CFAP53: variants seen among roughly 807,000 people sequenced by gnomAD.
CFAP53 encodes cilia- and flagella-associated protein 53.
CFAP53 carries 62 observed loss-of-function variants against 59.7 expected under a neutral mutation model. The observed-to-expected ratio is 1.04, with a 90% CI of 0.85 to 1.28. The LOEUF is 1.28. CFAP53 is among the 50% of genes most tolerant of loss of function. The pLI, the probability that CFAP53 is intolerant of heterozygous loss-of-function variation, is 0.00. For synonymous variants in CFAP53, 218 were observed against 205.7 expected (o/e 1.06, Z -0.51); for missense variants, 629 against 615.6 (o/e 1.02, Z -0.23).
intron 5 of CFAP53, among the ~76,000 whole-genome samples, chr18:50,247,995 C>A (rs933815052): frequency 6.6e-6 from 1 of 151,898 alleles, no homozygotes. Flanking sequence ...AAAAACTCAA[C>A]AGGAAAAAGA....
At chr18:50,254,137 A>T (rs1443621) in intron 3 of CFAP53, among the ~76,000 whole-genome samples, 526 of 29,510 alleles carry the variant, frequency 0.018, 4 homozygotes, top group African/African-American at 0.035. Context: ...AAAACCATTT[A>T]AAAAAAAAAG....
intron 6 of CFAP53, 76 bp from the exon 7 acceptor site, chr18:50,238,781 T>A (rs2033661279): frequency 9.7e-7 from 1 of 1,032,984 alleles, no homozygotes; most frequent in Non-Finnish European, 1.5e-6. Flanking sequence ...GGCACCAGAG[T>A]CATATTGTCT....
At chr18:50,235,081 A>G (rs1391921481) in intron 7 of CFAP53, among the ~76,000 whole-genome samples, 1 of 152,236 alleles carries the variant, frequency 6.6e-6, no homozygotes, top group Non-Finnish European at 1.5e-5. Context: ...ATGCTGTTAA[A>G]TGAAACTTGT....
At chr18:50,249,435 T>C (rs2033777131) in intron 5 of CFAP53, among the ~76,000 whole-genome samples, 2 of 151,600 alleles carry the variant, frequency 1.3e-5, no homozygotes, top group South Asian at 4.2e-4. Context: ...GAAGTATCAG[T>C]TGAGCCTGGG....
At chr18:50,229,204 ACTT>A (rs768663715) in intron 7 of CFAP53, among the ~76,000 whole-genome samples, 1 of 152,168 alleles carries the variant, frequency 6.6e-6, no homozygotes, top group Non-Finnish European at 1.5e-5. Flanking sequence ...GATCTCCAGG[ACTT>A]CTTCATCTTG....
At chr18:50,244,081 A>G (rs957723678) in intron 5 of CFAP53, among the ~76,000 whole-genome samples, 1 of 152,128 alleles carries the variant, frequency 6.6e-6, no homozygotes, top group African/African-American at 2.4e-5. Flanking sequence ...CCTGCTGTTT[A>G]TTTAGCGCAG....
intron 7 of CFAP53, among the ~76,000 whole-genome samples, chr18:50,236,080 A>G (rs1024079520): frequency 6.6e-6 from 1 of 152,224 alleles, no homozygotes; most frequent in African/African-American, 2.4e-5. Flanking sequence ...TGCAGATAAC[A>G]TACAAAACTC....
chr18:50,245,046 G>A (rs2033729595), intron 5 of CFAP53, among the ~76,000 whole-genome samples: 1 of 110,214 alleles, frequency 9.1e-6, no homozygotes, highest in African/African-American at 3.6e-5. Flanking sequence ...CTGGGTGACA[G>A]AATGAGACTC....
intron 7 of CFAP53, among the ~76,000 whole-genome samples, chr18:50,237,082 G>A (rs2033640995): frequency 6.6e-6 from 1 of 151,048 alleles, no homozygotes; most frequent in Non-Finnish European, 1.5e-5. Flanking sequence ...CGAGGTGGGT[G>A]GATCACGAGG....
chr18:50,246,588 A>G (rs181485074), intron 5 of CFAP53, among the ~76,000 whole-genome samples: 8 of 152,376 alleles, frequency 5.3e-5, no homozygotes, highest in African/African-American at 1.4e-4. Context: ...TAGGACCCCT[A>G]AAGCATAAGC....
At chr18:50,234,426 T>C (rs6507973) in intron 7 of CFAP53, among the ~76,000 whole-genome samples, 148,369 of 152,196 alleles carry the variant, frequency 0.97, 72,420 homozygotes, top group East Asian at 1. Context: ...AAAACTTTCC[T>C]CCCTTATGCA....
At chr18:50,247,259 C>T (rs758421822) in intron 5 of CFAP53, among the ~76,000 whole-genome samples, 1 of 151,942 alleles carries the variant, frequency 6.6e-6, no homozygotes, top group Non-Finnish European at 1.5e-5. Context: ...AATGAGATAC[C>T]AATTCAGATG....
At chr18:50,245,513 T>C (rs2033736148) in intron 5 of CFAP53, among the ~76,000 whole-genome samples, 1 of 152,230 alleles carries the variant, frequency 6.6e-6, no homozygotes. Context: ...AAAAATTTTA[T>C]TTCCAAATAG....
intron 6 of CFAP53, among the ~76,000 whole-genome samples, chr18:50,239,757 G>A (rs1192516278): frequency 4.6e-5 from 7 of 152,042 alleles, no homozygotes; most frequent in Admixed American, 3.3e-4. Context: ...CCATAAAACA[G>A]TATATACTAC....
rs1026475292 is a variant in CFAP53, at chr18:50,265,571, C to G, written c.69+765G>C. Among the ~76,000 whole-genome samples the G allele has an allele frequency of 2.0e-5, 3 of 152,302 alleles. No homozygotes were observed. In the East Asian group the frequency reaches 5.8e-4, roughly 29 times the overall value. ...ACCTTCCAGGATCATTGTATCCACC[C>G]CTGTATCTCCCACAATACTGCGCAC... On this transcript the variant is annotated intron_variant, in intron 1 of 7. Coordinates refer to ENST00000398545, the MANE Select transcript of CFAP53 (RefSeq NM_145020.5).
At chr18:50,258,189 C>T (rs1417903663) in intron 3 of CFAP53, among the ~76,000 whole-genome samples, 1 of 152,164 alleles carries the variant, frequency 6.6e-6, no homozygotes, top group East Asian at 1.9e-4. Context: ...AATCACATTA[C>T]CTAACTTCGA....
Position 50,266,365 on chromosome 18 carries a change from T to A in CFAP53, c.40A>T (p.Lys14Ter). ...QRFGTVQREVKGPTPKVVIVR... is the reference protein window; with the variant it reads ...QRFGTVQREV ...ATCACCACTTTGGGGGTGGGGCCCTTAACCTCCCGCTGTACGGTGCCAAAC... is the reference window on the plus strand; with the variant it reads ...ATCACCACTTTGGGGGTGGGGCCCTAAACCTCCCGCTGTACGGTGCCAAAC... Residue 14 changes from lysine (K) to a stop codon, truncating the protein, a stop_gained, in exon 1 of 8, where the codon AAG (lysine) becomes TAG (stop). Transcript: ENST00000398545. LOFTEE classifies it high-confidence loss of function. 1.2e-6 allele frequency: 2 copies of A among 1,614,244 alleles called. No individual in the cohort carries two copies. Among genetic ancestry groups the A allele is most frequent in the Non-Finnish European group, 1.7e-6 (2 of 1,180,040 alleles).
At chr18:50,241,190 C>T (rs144742786) in intron 6 of CFAP53, among the ~76,000 whole-genome samples, 1 of 152,292 alleles carries the variant, frequency 6.6e-6, no homozygotes, top group African/African-American at 2.4e-5. Context: ...CTTACCCTTA[C>T]AAGAATAGCT....
At chr18:50,229,678 T>C (rs1373095492) in intron 7 of CFAP53, among the ~76,000 whole-genome samples, 1 of 152,102 alleles carries the variant, frequency 6.6e-6, no homozygotes, top group Non-Finnish European at 1.5e-5. Flanking sequence ...ATAATGGTTA[T>C]ATAATTTTAC....
Sources: allele counts gnomAD v4.1 joint callset (sites outside exome capture counted in the v4.1 genomes callset), GRCh38; gene constraint gnomAD v4.1.1; transcripts MANE v1.5; gene names NCBI Gene and HGNC (gene_info 2026-07-23, HGNC 2026-07-21).